The following C8orf89 variants were observed in gnomAD, a reference collection of about 807,000 sequenced individuals.
C8orf89 encodes the protein chromosome 8 open reading frame 89, also known as putative uncharacterized protein C8orf89.
A neutral mutation model predicts 15.8 loss-of-function variants in C8orf89; 14 were observed. The ratio of observed to expected loss-of-function variants is 0.89; its 90% CI spans 0.59 to 1.39. The LOEUF (loss-of-function observed/expected upper bound fraction) is 1.39, where lower values mean the gene tolerates loss of function less well. C8orf89 is among the 40% of genes most tolerant of loss of function. C8orf89 has a pLI of 0.00. For synonymous variants in C8orf89, 55 were observed against 62.2 expected (o/e 0.88, Z 0.54); for missense variants, 181 against 184.5 (o/e 0.98, Z 0.11).
chr8:73,262,052 T>G (rs1813539246), upstream of C8orf89, among the ~76,000 whole-genome samples: 2 of 152,148 alleles, frequency 1.3e-5, no homozygotes, highest in African/African-American at 2.4e-5. Context: ...AGAAAACAAA[T>G]AAGACAATTA....
the C8orf89 span, among the ~76,000 whole-genome samples, chr8:73,264,576 C>T: frequency 6.6e-6 from 1 of 152,266 alleles, no homozygotes; most frequent in East Asian, 1.9e-4. Context: ...CTACAACCTC[C>T]ACCTCCCGGG....
the C8orf89 span, among the ~76,000 whole-genome samples, chr8:73,280,720 C>CAT: frequency 6.7e-6 from 1 of 149,160 alleles, no homozygotes; most frequent in East Asian, 1.9e-4. Flanking sequence ...TATATATACA[C>CAT]ATATATATAC....
intron 3 of C8orf89, among the ~76,000 whole-genome samples, chr8:73,246,222 T>C (rs1813118942): frequency 6.6e-6 from 1 of 152,210 alleles, no homozygotes; most frequent in South Asian, 2.1e-4. Context: ...TAATAAGTAT[T>C]TACAGAAGAC....
intron 2 of C8orf89, among the ~76,000 whole-genome samples, chr8:73,251,474 T>C (rs1022184025): frequency 2.6e-5 from 4 of 152,240 alleles, no homozygotes; most frequent in Non-Finnish European, 4.4e-5. Context: ...CTAACACTTA[T>C]GTTTGCCAAG....
upstream of C8orf89, among the ~76,000 whole-genome samples, chr8:73,259,692 C>T (rs1310877833): frequency 6.6e-6 from 1 of 151,886 alleles, no homozygotes; most frequent in Non-Finnish European, 1.5e-5. Flanking sequence ...CAATGGAATA[C>T]TTGGATTCTC....
chr8:73,276,852 G>C, the C8orf89 span, among the ~76,000 whole-genome samples: 1 of 122,580 alleles, frequency 8.2e-6, no homozygotes, highest in African/African-American at 3.1e-5. Flanking sequence ...AGTCATCCAG[G>C]CTGGAGTGCA....
chr8:73,253,014 G>C (rs1228473839), intron 2 of C8orf89, among the ~76,000 whole-genome samples: 4 of 152,192 alleles, frequency 2.6e-5, no homozygotes, highest in African/African-American at 9.7e-5. Flanking sequence ...GTGGTGGCGG[G>C]CGCCTGTAGT....
chr8:73,272,940 T>A, the C8orf89 span, among the ~76,000 whole-genome samples: 1 of 152,188 alleles, frequency 6.6e-6, no homozygotes, highest in Admixed American at 6.5e-5. Context: ...GAAATGGAAA[T>A]CTAACTCAGG....
chr8:73,254,595 G>C (rs1813325691), intron 2 of C8orf89, among the ~76,000 whole-genome samples: 1 of 152,238 alleles, frequency 6.6e-6, no homozygotes, highest in African/African-American at 2.4e-5. Flanking sequence ...GACGCCTCAT[G>C]CCTGGTCATT....
chr8:73,279,270 C>CTATAGAT, the C8orf89 span, among the ~76,000 whole-genome samples: 1 of 152,146 alleles, frequency 6.6e-6, no homozygotes, highest in Non-Finnish European at 1.5e-5. Flanking sequence ...GTCAAGGATT[C>CTATAGAT]CTTGAATTAC....
At chr8:73,256,718 C>T (rs1203957622) in intron 2 of C8orf89, among the ~76,000 whole-genome samples, 1 of 108,592 alleles carries the variant, frequency 9.2e-6, no homozygotes, top group African/African-American at 4.0e-5. Flanking sequence ...AACAGCGAGA[C>T]TCTGTCTCAA....
chr8:73,284,491 G>A, the C8orf89 span, among the ~76,000 whole-genome samples: 358 of 152,148 alleles, frequency 2.4e-3, 2 homozygotes, highest in Non-Finnish European at 3.7e-3. Flanking sequence ...GGGATTACAG[G>A]CGTGTGCCAC....
chr8:73,263,108 A>G (rs1307859092), upstream of C8orf89, among the ~76,000 whole-genome samples: 1 of 152,240 alleles, frequency 6.6e-6, no homozygotes, highest in African/African-American at 2.4e-5. Context: ...TGCTTTCTCA[A>G]ATTACCAGTA....
intron 2 of C8orf89, 35 bp from the exon 3 acceptor site, chr8:73,250,358 T>C: frequency 2.3e-6 from 3 of 1,283,044 alleles, no homozygotes. Context: ...ATTACTTACA[T>C]ATAAATTCAG....
chr8:73,246,721 A>T (rs1813137173), intron 3 of C8orf89, among the ~76,000 whole-genome samples: 1 of 152,098 alleles, frequency 6.6e-6, no homozygotes, highest in Admixed American at 6.6e-5. Flanking sequence ...TTTATTTTAC[A>T]CTGTCTGTTG....
chr8:73,248,666 A>T (rs1813181373), intron 3 of C8orf89, among the ~76,000 whole-genome samples: 1 of 152,160 alleles, frequency 6.6e-6, no homozygotes, highest in Non-Finnish European at 1.5e-5. Context: ...CTCCCTGGTT[A>T]GCTGTATTCC....
the C8orf89 span, chr8:73,277,414 AC>A: frequency 2.5e-6 from 3 of 1,201,634 alleles, no homozygotes; most frequent in African/African-American, 1.5e-5. Context: ...AGCCTCCAGA[AC>A]CAGACAAAGT....
the C8orf89 span, among the ~76,000 whole-genome samples, chr8:73,273,197 G>C: frequency 0.56 from 84,999 of 152,062 alleles, 24,033 homozygotes; most frequent in South Asian, 0.75. Flanking sequence ...AGCCGTGCCC[G>C]TTTCTGAGTG....
At chr8:73,241,729 A>AT in intron 3 of C8orf89, 124 bp from the exon 4 acceptor site, 3 of 773,952 alleles carry the variant, frequency 3.9e-6, no homozygotes, top group Non-Finnish European at 5.6e-6. Context: ...ACTAGTTCTT[A>AT]TACTACAGAG....
Sources: allele counts gnomAD v4.1 joint callset (sites outside exome capture counted in the v4.1 genomes callset), GRCh38; gene constraint gnomAD v4.1.1; transcripts MANE v1.5; gene names NCBI Gene and HGNC (gene_info 2026-07-23, HGNC 2026-07-21).